CNTNAP4: variants seen among roughly 807,000 people sequenced by gnomAD.
CNTNAP4 encodes contactin associated protein family member 4, also known as contactin-associated protein-like 4.
Under a neutral mutation model 148.4 loss-of-function variants are expected in CNTNAP4, and 98 were observed. The observed-to-expected ratio is 0.66, with a 90% CI of 0.56 to 0.78. The LOEUF (loss-of-function observed/expected upper bound fraction) is 0.78, where lower values mean the gene tolerates loss of function less well. CNTNAP4 is among the 30% of genes least tolerant of loss of function. The pLI is 0.00. For synonymous variants in CNTNAP4, 730 were observed against 565.1 expected (o/e 1.29, Z -4.14); for missense variants, 1,935 against 1,565.6 (o/e 1.24, Z -3.98).
chr16:76,491,769 T>C (rs1294200793), intron 13 of CNTNAP4, among the ~76,000 whole-genome samples: 1 of 151,814 alleles, frequency 6.6e-6, no homozygotes, highest in Non-Finnish European at 1.5e-5. Context: ...TTCGGCTTAT[T>C]CTGTTTAGTA....
At chr16:76,421,105 T>TG (rs2079173891) in intron 3 of CNTNAP4, among the ~76,000 whole-genome samples, 1 of 152,084 alleles carries the variant, frequency 6.6e-6, no homozygotes, top group Admixed American at 6.6e-5. Flanking sequence ...CTATTTGATC[T>TG]GTCTTGGGAA....
chr16:76,521,899 A>G, intron 16 of CNTNAP4, 140 bp from the exon 17 acceptor site: 1 of 761,596 alleles, frequency 1.3e-6, no homozygotes, highest in Non-Finnish European at 2.2e-6. Context: ...TGAGTTTCAA[A>G]CAATAGCATT....
chr16:76,479,597 A>C (rs2081738676), intron 12 of CNTNAP4, 59 bp downstream of exon 12: 4 of 1,538,872 alleles, frequency 2.6e-6, no homozygotes, highest in Non-Finnish European at 2.6e-6. Context: ...AAATAGGCAA[A>C]ATTAAAATGA....
intron 3 of CNTNAP4, 87 bp from the exon 4 acceptor site, chr16:76,427,365 C>T (rs1400606104): frequency 1.8e-6 from 2 of 1,103,222 alleles, no homozygotes; most frequent in Non-Finnish European, 2.6e-6. Context: ...AAATGCAGAT[C>T]ACACATTGCT....
At chr16:76,334,812 A>T (rs752655325) in intron 2 of CNTNAP4, among the ~76,000 whole-genome samples, 1 of 152,064 alleles carries the variant, frequency 6.6e-6, no homozygotes, top group African/African-American at 2.4e-5. Context: ...GCTTTATTCA[A>T]TATGAGAGCT....
intron 3 of CNTNAP4, among the ~76,000 whole-genome samples, chr16:76,369,709 G>C (rs1198477632): frequency 6.6e-6 from 1 of 152,196 alleles, no homozygotes; most frequent in African/African-American, 2.4e-5. Context: ...AGGTGGGGTG[G>C]TGCATGCCTG....
At chr16:76,485,385 G>A (rs4888513) in intron 12 of CNTNAP4, among the ~76,000 whole-genome samples, 19,963 of 152,204 alleles carry the variant, frequency 0.13, 1,430 homozygotes, top group East Asian at 0.21. Flanking sequence ...CCAAAGTGCT[G>A]GGATTGCAGG....
chr16:76,371,404 G>C (rs1226922053), intron 3 of CNTNAP4, among the ~76,000 whole-genome samples: 1 of 152,128 alleles, frequency 6.6e-6, no homozygotes, highest in African/African-American at 2.4e-5. Flanking sequence ...TCCTGCCTCA[G>C]CCTCCTGAGT....
intron 3 of CNTNAP4, among the ~76,000 whole-genome samples, chr16:76,365,751 CA>C (rs35586454): frequency 1.0e-3 from 103 of 100,060 alleles, no homozygotes; most frequent in Middle Eastern, 7.2e-3. Context: ...GACTCCGTCT[CA>C]AAAAAAAAAA....
intron 1 of CNTNAP4, among the ~76,000 whole-genome samples, chr16:76,291,031 G>A (rs1290817664): frequency 6.6e-6 from 1 of 152,034 alleles, no homozygotes; most frequent in Admixed American, 6.6e-5. Flanking sequence ...TTGGATTAGG[G>A]CCTCACCCTT....
chr16:76,490,398 G>A (rs923281823), intron 13 of CNTNAP4, among the ~76,000 whole-genome samples: 18 of 152,204 alleles, frequency 1.2e-4, no homozygotes, highest in Admixed American at 8.5e-4. Context: ...AAACCATCTT[G>A]ACTCTTTATT....
chr16:76,448,966 T>C lies in CNTNAP4; in HGVS notation c.927+15T>C. 1 of 1,606,682 alleles carries C rather than the reference T, an allele frequency of 6.2e-7. No homozygotes were observed. Among genetic ancestry groups the C allele is most frequent in the Non-Finnish European group, 8.5e-7 (1 of 1,174,854 alleles). On this transcript the variant is annotated intron_variant, in intron 6 of 23. Coordinates refer to ENST00000611870, the MANE Select transcript of CNTNAP4 (RefSeq NM_033401.5). The stretch of plus-strand genomic sequence containing the variant: ...TTGATTATGAGGTGTGATGGTTATG[T>C]TTCAATTAATGCTGATTTTATTATG...
intron 4 of CNTNAP4, among the ~76,000 whole-genome samples, chr16:76,440,522 T>C (rs1321725636): frequency 6.6e-6 from 1 of 152,144 alleles, no homozygotes; most frequent in African/African-American, 2.4e-5. Context: ...TTCATTTCCA[T>C]GGTACAATTC....
chr16:76,283,290 A>G (rs1023463047), intron 1 of CNTNAP4, among the ~76,000 whole-genome samples: 2 of 151,982 alleles, frequency 1.3e-5, no homozygotes, highest in African/African-American at 4.8e-5. Flanking sequence ...AATGAATCAT[A>G]TGACCTTTAG....
At chr16:76,527,481 A>C (rs1194106465) in intron 17 of CNTNAP4, among the ~76,000 whole-genome samples, 2 of 152,192 alleles carry the variant, frequency 1.3e-5, no homozygotes, top group Non-Finnish European at 2.9e-5. Flanking sequence ...AGATAATTAT[A>C]GCTAATCAGC....
rs965288417 is a variant in CNTNAP4, at chr16:76,413,145, A to C, written c.391-14307A>C. Among the ~76,000 whole-genome samples, 3 of 151,342 alleles carry C rather than the reference A, an allele frequency of 2.0e-5. No homozygotes were observed. The Admixed American group carries it at 2.0e-4, about 10-fold the overall frequency. Reference sequence around the variant, plus strand: ...TACTTTTTAAGTTACTTTAAAATGTACAGTTATTATTGACTATAGTCACCC... The same window carrying C: ...TACTTTTTAAGTTACTTTAAAATGTCCAGTTATTATTGACTATAGTCACCC... On this transcript the variant is annotated intron_variant, in intron 3 of 23. Transcript: ENST00000611870.
intron 3 of CNTNAP4, among the ~76,000 whole-genome samples, chr16:76,408,747 T>C (rs4572419): frequency 0.34 from 51,602 of 151,868 alleles, 9,459 homozygotes; most frequent in Middle Eastern, 0.49. Flanking sequence ...ATTTTATTAT[T>C]ACTATTTTTT....
chr16:76,494,201 T>G (rs914773308), intron 13 of CNTNAP4, among the ~76,000 whole-genome samples: 3 of 152,102 alleles, frequency 2.0e-5, no homozygotes, highest in Admixed American at 6.6e-5. Flanking sequence ...TAGTCTTAAC[T>G]CTGAGAAGGA....
chr16:76,452,567 C>A lies in CNTNAP4; in HGVS notation c.1131C>A (p.Ser377=), dbSNP rs772435913. The change falls in exon 8 of 24, where the codon TCC becomes TCA. Residue 377 remains serine (S), a synonymous_variant. Transcript: ENST00000611870. ...CTATGCCCGTGACTTTTCTGAGCTC[C>A]AGGAGTTATTTAGCACTGCCAGACT... ...PQSMPVTFLS[S]RSYLALPDFS... 3.1e-6 allele frequency: 5 copies of A among 1,613,830 alleles called. No homozygotes were observed. In the African/African-American group the frequency reaches 6.7e-5, roughly 22 times the overall value.
Sources: allele counts gnomAD v4.1 joint callset (sites outside exome capture counted in the v4.1 genomes callset), GRCh38; gene constraint gnomAD v4.1.1; transcripts MANE v1.5; gene names NCBI Gene and HGNC (gene_info 2026-07-23, HGNC 2026-07-21).